Variants in TRAK2 observed in about 807,000 individuals in gnomAD.
TRAK2 encodes trafficking kinesin-binding protein 2.
Under a neutral mutation model 104.6 loss-of-function variants are expected in TRAK2, and 81 were observed. The ratio of observed to expected loss-of-function variants is 0.77; its 90% confidence interval spans 0.65 to 0.93. The LOEUF is 0.93. TRAK2 is among the 40% of genes least tolerant of loss of function. The pLI is 0.00. For synonymous variants in TRAK2, 406 were observed against 394.4 expected (o/e 1.03, Z -0.35); for missense variants, 1,002 against 1,089.0 (o/e 0.92, Z 1.12).
At chr2:201,434,951 C>T (rs1362735338) in intron 1 of TRAK2, among the ~76,000 whole-genome samples, 4 of 152,064 alleles carry the variant, frequency 2.6e-5, no homozygotes, top group South Asian at 2.1e-4. Flanking sequence ...AATTTAGTGA[C>T]GGTCATATGT....
At chr2:201,411,529 A>G (rs1415257580) in intron 2 of TRAK2, 7 of 748,394 alleles carry the variant, frequency 9.4e-6, no homozygotes, top group Non-Finnish European at 1.5e-5. Context: ...TCAGACTCCA[A>G]CCTATTCAGC....
At position 201,420,477 on chromosome 2, in the gene TRAK2, A is replaced by C; in HGVS notation, c.31T>G (p.Ser11Ala). 2 of 1,614,098 alleles carry C rather than the reference A, an allele frequency of 1.2e-6. No individual in the cohort carries two copies. The highest frequency in any genetic ancestry group is 1.7e-6 in the Non-Finnish European group (2 of 1,179,990). Residue 11 changes from serine (S) to alanine (A), a missense_variant, in exon 2 of 16, where the codon TCA becomes GCA. Physicochemically the swap from Ser to Ala is moderately conservative, Grantham distance 99. Coordinates refer to ENST00000332624, the MANE Select transcript of TRAK2 (RefSeq NM_015049.3). ...ATGAGGTTTTCTTCACCTGTTGGTG[A>C]TGTAAAAATTGCATTCTGGGATTGA... is the stretch of plus-strand genomic sequence containing the variant. MSQSQNAIFT[S>A]PTGEENLMNS...
At chr2:201,393,282 G>GA (rs1254583880) in intron 9 of TRAK2, among the ~76,000 whole-genome samples, 1 of 152,112 alleles carries the variant, frequency 6.6e-6, no homozygotes, top group Non-Finnish European at 1.5e-5. Flanking sequence ...GTGACTTCCT[G>GA]AAAGTCTGAA....
At chr2:201,446,082 C>T (rs1951962067) in intron 1 of TRAK2, among the ~76,000 whole-genome samples, 1 of 152,184 alleles carries the variant, frequency 6.6e-6, no homozygotes, top group African/African-American at 2.4e-5. Context: ...AAGATAACTA[C>T]ATCTGGCATA....
chr2:201,388,142 TAAC>T, intron 12 of TRAK2, 141 bp from the exon 13 acceptor site: 1 of 886,004 alleles, frequency 1.1e-6, no homozygotes, highest in Non-Finnish European at 1.8e-6. Context: ...ATAGAAGTAA[TAAC>T]AACAAACCAA....
At chr2:201,405,279 A>C (rs536047298) in intron 3 of TRAK2, among the ~76,000 whole-genome samples, 1 of 152,328 alleles carries the variant, frequency 6.6e-6, no homozygotes, top group South Asian at 2.1e-4. Flanking sequence ...TTGAGGGCAG[A>C]GCCTGAGGAA....
intron 1 of TRAK2, among the ~76,000 whole-genome samples, chr2:201,432,106 G>C (rs968913457): frequency 2.0e-5 from 3 of 152,182 alleles, no homozygotes; most frequent in African/African-American, 7.2e-5. Context: ...CTTACACAAT[G>C]TTGGGCACAA....
Position 201,394,779 on chromosome 2 carries a change from A to C in TRAK2, c.975+19T>G, listed in dbSNP as rs775891328. On this transcript the variant is annotated intron_variant, in intron 9 of 15. Transcript: ENST00000332624. Reference sequence around the variant, plus strand: ...CACTCTTTCCCCTCCTGAATTACACAAGATAAAGATTTCATTACCTCCATT... The same window carrying C: ...CACTCTTTCCCCTCCTGAATTACACCAGATAAAGATTTCATTACCTCCATT... The C allele has an allele frequency of 6.2e-7, 1 of 1,607,126 alleles. No individual in the cohort carries two copies. The highest frequency in any genetic ancestry group is 8.5e-7 in the Non-Finnish European group (1 of 1,174,698).
At chr2:201,391,333 T>G (rs1235976561) in intron 10 of TRAK2, among the ~76,000 whole-genome samples, 1 of 151,988 alleles carries the variant, frequency 6.6e-6, no homozygotes, top group Non-Finnish European at 1.5e-5. Context: ...AGTGAACAAA[T>G]GAACAAATAA....
chr2:201,450,582 G>A (rs1020050754), intron 1 of TRAK2, among the ~76,000 whole-genome samples: 2 of 152,054 alleles, frequency 1.3e-5, no homozygotes, highest in African/African-American at 4.8e-5. Context: ...CAAGTCAACA[G>A]CAAAGATCTA....
chr2:201,430,878 T>C (rs1301353735), intron 1 of TRAK2, among the ~76,000 whole-genome samples: 1 of 152,210 alleles, frequency 6.6e-6, no homozygotes, highest in Non-Finnish European at 1.5e-5. Flanking sequence ...CAGTTGGAAA[T>C]GCAGAAATCA....
At chr2:201,417,262 AAAG>A (rs917968653) in intron 2 of TRAK2, among the ~76,000 whole-genome samples, 1 of 150,010 alleles carries the variant, frequency 6.7e-6, no homozygotes, top group Admixed American at 6.6e-5. Flanking sequence ...AAAAAAAAGA[AAAG>A]AAAAAAGAAA....
chr2:201,399,664 T>C (rs1951533015), intron 4 of TRAK2, among the ~76,000 whole-genome samples, 171 bp from the exon 5 acceptor site: 1 of 152,090 alleles, frequency 6.6e-6, no homozygotes, highest in African/African-American at 2.4e-5. Context: ...GGTAGTGCTT[T>C]AAAACGTTGG....
At chr2:201,433,887 C>T (rs780639733) in intron 1 of TRAK2, among the ~76,000 whole-genome samples, 7 of 152,226 alleles carry the variant, frequency 4.6e-5, no homozygotes, top group Non-Finnish European at 8.8e-5. Flanking sequence ...AGTCACATTT[C>T]TTCGCCTCTG....
intron 2 of TRAK2, chr2:201,410,625 G>A (rs1951637510): frequency 5.4e-6 from 7 of 1,295,182 alleles, no homozygotes; most frequent in South Asian, 1.2e-5. Context: ...AGTTCTGTGG[G>A]TTGAAGAAAG....
chr2:201,386,603 G>A (rs1951393444), intron 13 of TRAK2, 119 bp from the exon 14 acceptor site: 2 of 1,322,474 alleles, frequency 1.5e-6, no homozygotes. Flanking sequence ...CTATTTATTT[G>A]GTGTTAATAA....
intron 9 of TRAK2, 77 bp from the exon 10 acceptor site, chr2:201,393,123 G>T (rs1238073257): frequency 6.9e-7 from 1 of 1,452,906 alleles, no homozygotes; most frequent in African/African-American, 1.4e-5. Context: ...AACCTTTTGG[G>T]ATAAGTATTG....
At chr2:201,404,865 G>A (rs968142161) in intron 3 of TRAK2, among the ~76,000 whole-genome samples, 2 of 152,190 alleles carry the variant, frequency 1.3e-5, no homozygotes, top group East Asian at 3.8e-4. Context: ...AGGTCTTGAG[G>A]TTTTAACCCT....
At chr2:201,421,954 C>T (rs1363058984) in intron 1 of TRAK2, among the ~76,000 whole-genome samples, 1 of 149,458 alleles carries the variant, frequency 6.7e-6, no homozygotes. Flanking sequence ...GAGGCTGAAG[C>T]AGGAGAATCG....
Sources: allele counts gnomAD v4.1 joint callset (sites outside exome capture counted in the v4.1 genomes callset), GRCh38; gene constraint gnomAD v4.1.1; transcripts MANE v1.5; gene names NCBI Gene and HGNC (gene_info 2026-07-23, HGNC 2026-07-21).